The following UBE2V2 variants were observed in gnomAD, a reference collection of about 807,000 sequenced individuals.
UBE2V2 encodes the protein ubiquitin-conjugating enzyme E2 variant 2.
In UBE2V2, 9 loss-of-function variants were observed where a neutral mutation model predicts 17.2. The ratio of observed to expected loss-of-function variants is 0.52; its 90% CI spans 0.32 to 0.91. The LOEUF (loss-of-function observed/expected upper bound fraction) is 0.91. Ranked by LOEUF, UBE2V2 falls within the 40% of genes least tolerant of loss-of-function variation. The pLI is 0.04. For synonymous variants in UBE2V2, 61 were observed against 57.5 expected (o/e 1.06, Z -0.28); for missense variants, 133 against 182.6 (o/e 0.73, Z 1.56).
At chr8:48,027,779 C>T (rs996724650) in intron 1 of UBE2V2, among the ~76,000 whole-genome samples, 17 of 152,206 alleles carry the variant, frequency 1.1e-4, no homozygotes, top group African/African-American at 4.1e-4. Context: ...GCATTACAGG[C>T]GTAAGCCACT....
At chr8:48,015,897 T>G (rs1173415616) in intron 1 of UBE2V2, among the ~76,000 whole-genome samples, 1 of 142,616 alleles carries the variant, frequency 7.0e-6, no homozygotes, top group Admixed American at 6.9e-5. Flanking sequence ...TCTGTGTGGT[T>G]TTTTTTTTTT....
chr8:48,025,761 G>A (rs1397763057), intron 1 of UBE2V2, among the ~76,000 whole-genome samples: 7 of 151,684 alleles, frequency 4.6e-5, no homozygotes, highest in Non-Finnish European at 7.4e-5. Flanking sequence ...CACCACGACC[G>A]GCTAATTTTT....
upstream of UBE2V2, among the ~76,000 whole-genome samples, chr8:48,006,950 G>A (rs185490838): frequency 5.2e-3 from 791 of 151,866 alleles, 12 homozygotes; most frequent in African/African-American, 0.018. Context: ...TCGCCATCTC[G>A]GTTCACTGCA....
At chr8:48,035,008 A>C (rs1188343535) in intron 1 of UBE2V2, 1 of 984,526 alleles carries the variant, frequency 1.0e-6, no homozygotes, top group Admixed American at 6.2e-5. Context: ...GAATTCTTAC[A>C]TGATGGTTGG....
chr8:48,014,063 G>A (rs1462502922), intron 1 of UBE2V2, among the ~76,000 whole-genome samples: 1 of 152,166 alleles, frequency 6.6e-6, no homozygotes, highest in South Asian at 2.1e-4. Context: ...GGAACTAAAC[G>A]ATAGAAGAGC....
At chr8:48,037,825 C>A (rs2091434738) in intron 1 of UBE2V2, among the ~76,000 whole-genome samples, 1 of 152,230 alleles carries the variant, frequency 6.6e-6, no homozygotes, top group South Asian at 2.1e-4. Flanking sequence ...CTTCCCTGAT[C>A]ATCCTGTTTC....
At chr8:48,027,648 C>T (rs907489582) in intron 1 of UBE2V2, among the ~76,000 whole-genome samples, 4 of 151,942 alleles carry the variant, frequency 2.6e-5, no homozygotes, top group African/African-American at 2.4e-5. Flanking sequence ...TGCAGGCACG[C>T]GCCTTTATGC....
intron 1 of UBE2V2, among the ~76,000 whole-genome samples, chr8:48,014,473 A>G (rs529822532): frequency 4.0e-5 from 6 of 151,270 alleles, no homozygotes; most frequent in South Asian, 2.1e-4. Context: ...GTGAAACCCT[A>G]TCTCTACTAA....
At chr8:48,032,659 C>T (rs1237801157) in intron 1 of UBE2V2, among the ~76,000 whole-genome samples, 3 of 151,986 alleles carry the variant, frequency 2.0e-5, no homozygotes, top group Non-Finnish European at 4.4e-5. Context: ...TGGAGGCTGA[C>T]GTGGAAGGAT....
chr8:48,038,624 G>A (rs998637067), intron 1 of UBE2V2, among the ~76,000 whole-genome samples: 1 of 151,878 alleles, frequency 6.6e-6, no homozygotes, highest in Non-Finnish European at 1.5e-5. Context: ...GACTACAGGC[G>A]CACGCCACCA....
intron 1 of UBE2V2, among the ~76,000 whole-genome samples, chr8:48,013,261 G>C (rs2091246012): frequency 6.6e-6 from 1 of 151,340 alleles, no homozygotes. Context: ...ATGTACTTTT[G>C]CTGTCCTAGG....
At chr8:48,019,588 T>A (rs2091291224) in intron 1 of UBE2V2, among the ~76,000 whole-genome samples, 1 of 150,802 alleles carries the variant, frequency 6.6e-6, no homozygotes, top group African/African-American at 2.4e-5. Context: ...AGGCTGAGGC[T>A]GGCGGATCAT....
chr8:48,044,230 A>G, intron 2 of UBE2V2, among the ~76,000 whole-genome samples: 1 of 152,088 alleles, frequency 6.6e-6, no homozygotes, highest in East Asian at 1.9e-4. Context: ...GTGTGATCTC[A>G]GCATACTGCA....
chr8:48,019,644 G>A (rs186220055), intron 1 of UBE2V2, among the ~76,000 whole-genome samples: 31 of 149,966 alleles, frequency 2.1e-4, no homozygotes, highest in Non-Finnish European at 2.7e-4. Flanking sequence ...GTGAAACCCC[G>A]TCTCTACTAA....
chr8:48,011,670 G>A (rs76999619), intron 1 of UBE2V2, among the ~76,000 whole-genome samples: 53 of 152,286 alleles, frequency 3.5e-4, no homozygotes, highest in African/African-American at 1.2e-3. Flanking sequence ...GAGACTTTTT[G>A]AGACGGAGTC....
chr8:48,008,841 G>A (rs1046542642), intron 1 of UBE2V2, among the ~76,000 whole-genome samples: 7 of 152,010 alleles, frequency 4.6e-5, no homozygotes, highest in Non-Finnish European at 1.0e-4. Context: ...GATGGGTCAG[G>A]CCAACCGGCA....
intron 1 of UBE2V2, among the ~76,000 whole-genome samples, chr8:48,011,812 C>G (rs762934192): frequency 6.6e-6 from 1 of 152,120 alleles, no homozygotes; most frequent in Non-Finnish European, 1.5e-5. Flanking sequence ...CATTGCCACA[C>G]CTGGCTAATT....
chr8:48,007,315 A>G (rs552251310), upstream of UBE2V2, among the ~76,000 whole-genome samples: 24 of 152,304 alleles, frequency 1.6e-4, no homozygotes, highest in South Asian at 4.8e-3. Flanking sequence ...AGAGGAAGTC[A>G]AATTGTCTCT....
Position 48,060,911 on chromosome 8 carries a change from C to T in UBE2V2, c.*83C>T, listed in dbSNP as rs1381549773. On this transcript the variant is annotated 3_prime_UTR_variant, in exon 4 of 4. Coordinates refer to ENST00000523111, the MANE Select transcript of UBE2V2 (RefSeq NM_003350.3). ...TGATTAAATATCACAATGCAAAATA[C>T]ACATTAAGTAAAAGAATTCCAGCTG... is the stretch of plus-strand genomic sequence containing the variant. The T allele has an allele frequency of 4.0e-6, 5 of 1,243,802 alleles. No individual in the cohort carries two copies. Among genetic ancestry groups the T allele is most frequent in the African/African-American group, 1.6e-5 (1 of 64,350 alleles). The allele number at this position is 1,243,802 out of a possible 1,614,324, so 77.0% of individuals were successfully genotyped here. A position where few individuals can be genotyped will look rare whatever the true frequency, so the allele number is the denominator to read the frequency against.
Sources: gnomAD v4.1 joint callset for allele counts (sites outside exome capture counted in the v4.1 genomes callset) on GRCh38, gnomAD v4.1.1 for gene constraint, MANE v1.5 for transcripts, NCBI Gene and HGNC (gene_info 2026-07-23, HGNC 2026-07-21) for gene names.